The following CCDC190 variants were observed in gnomAD, a reference collection of about 807,000 sequenced individuals.
CCDC190 encodes the protein coiled-coil domain containing 190.
In CCDC190, 10 loss-of-function variants were observed where a neutral mutation model predicts 13.1. The observed-to-expected ratio is 0.77, with a 90% CI of 0.47 to 1.30. The LOEUF (loss-of-function observed/expected upper bound fraction) is 1.30. Among genes scored for constraint, CCDC190 ranks in the 50% most tolerant of loss-of-function variants. The probability of loss-of-function intolerance (pLI) is 0.00; values close to 1 mark genes in which losing one functional copy is unlikely to be tolerated. For synonymous variants in CCDC190, 136 were observed against 127.2 expected, an observed-to-expected ratio of 1.07 and a Z score of -0.47; for missense variants, 375 against 354.3, an observed-to-expected ratio of 1.06 and a Z score of -0.47.
chr1:162,864,249 A>T (rs1385996443), upstream of CCDC190, among the ~76,000 whole-genome samples: 2 of 152,154 alleles, frequency 1.3e-5, no homozygotes, highest in Non-Finnish European at 2.9e-5. Flanking sequence ...AAAGAAAAAA[A>T]TCAACCTAGA....
chr1:162,853,017 G>GT lies in CCDC190; in HGVS notation c.*1747dup, dbSNP rs1165040348. ...GGCATGGCTGGTGCAAATAAATTAA[G>GT]TTTTTGTGAATCAATCAGTTCTGTC... On this transcript the variant is annotated 3_prime_UTR_variant, in exon 4 of 4. Coordinates refer to ENST00000367912, the MANE Select transcript of CCDC190 (RefSeq NM_001394065.1). 2 of 1,135,238 alleles carry GT rather than the reference G, an allele frequency of 1.8e-6. No individual in the cohort carries two copies. Among genetic ancestry groups the GT allele is most frequent in the Non-Finnish European group, 2.6e-6 (2 of 772,324 alleles). 70.3% of individuals were successfully genotyped at this position (1,135,238 alleles called of 1,614,324 possible).
intron 1 of CCDC190, among the ~76,000 whole-genome samples, 187 bp downstream of exon 1, chr1:162,860,821 T>G (rs1276060048): frequency 1.3e-5 from 2 of 152,122 alleles, no homozygotes; most frequent in African/African-American, 4.8e-5. Flanking sequence ...CCTCCCAAAG[T>G]GCTGGGATTA....
At chr1:162,863,231 G>T (rs1343018807), upstream of CCDC190, among the ~76,000 whole-genome samples, 1 of 152,144 alleles carries the variant, frequency 6.6e-6, no homozygotes, top group East Asian at 1.9e-4. Context: ...ACACCCTTTT[G>T]TAGTCAAAAC....
chr1:162,856,893 T>C (rs1486737484), intron 2 of CCDC190, among the ~76,000 whole-genome samples: 1 of 152,156 alleles, frequency 6.6e-6, no homozygotes, highest in East Asian at 1.9e-4. Context: ...ACCTATTCCA[T>C]ATAAATTGAG....
chr1:162,858,277 T>C (rs1011373173), intron 2 of CCDC190, among the ~76,000 whole-genome samples: 7 of 152,208 alleles, frequency 4.6e-5, no homozygotes, highest in African/African-American at 1.7e-4. Flanking sequence ...GGAAAGCCAC[T>C]TACTAGGGCC....
At position 162,851,258 on chromosome 1, in the gene CCDC190, C is replaced by G. The variant is rs547798095; in HGVS notation, c.*3507G>C. On this transcript the variant is annotated 3_prime_UTR_variant, in exon 4 of 4. Coordinates refer to ENST00000367912, the MANE Select transcript of CCDC190 (RefSeq NM_001394065.1). ...GGAGGTGAGGGAATGAGTTGGTTCA[C>G]GCAATGGTCCACACACCTCTGGTTC... 6.7e-6 allele frequency: 1 copy of G among 149,286 alleles called. No individual in the cohort carries two copies. Among genetic ancestry groups the G allele is most frequent in the African/African-American group, 2.5e-5 (1 of 40,412 alleles). The allele number at this position is 149,286 out of a possible 1,614,324, so 9.2% of individuals were successfully genotyped here.
Position 162,859,991 on chromosome 1 carries a change from T to C in CCDC190, c.-12-333A>G, listed in dbSNP as rs1013019637. 5.3e-5 allele frequency among the ~76,000 whole-genome samples: 8 copies of C among 150,444 alleles called. 2 individuals carry two copies. The South Asian group carries it at 1.7e-3, about 32-fold the overall frequency. ...AAAAAAAAAAAAGGCAGTCTACATA[T>C]ATAAGGCATTATTTACCCAATAAGA... On this transcript the variant is annotated intron_variant, in intron 1 of 3. Coordinates refer to ENST00000367912, the MANE Select transcript of CCDC190 (RefSeq NM_001394065.1).
chr1:162,859,924 C>T (rs1042316100), intron 1 of CCDC190, among the ~76,000 whole-genome samples: 1 of 150,958 alleles, frequency 6.6e-6, no homozygotes, highest in African/African-American at 2.4e-5. Context: ...AGTCAGATTT[C>T]CAAGAAGATC....
chr1:162,858,810 CA>C (rs1650399394), intron 2 of CCDC190, among the ~76,000 whole-genome samples: 1 of 152,192 alleles, frequency 6.6e-6, no homozygotes, highest in African/African-American at 2.4e-5. Context: ...TCAACAAAGA[CA>C]GTAGAAGGGT....
chr1:162,854,567 T>C lies in CCDC190; in HGVS notation c.*198A>G. On this transcript the variant is annotated 3_prime_UTR_variant, in exon 4 of 4. Coordinates refer to ENST00000367912, the MANE Select transcript of CCDC190 (RefSeq NM_001394065.1). ...ACTTAAAATATTTTCAGAAGATTCATTCTTCCTCTCCTTTTTCATATATTA... is the reference window on the plus strand; with the variant it reads ...ACTTAAAATATTTTCAGAAGATTCACTCTTCCTCTCCTTTTTCATATATTA... 7.3e-7 allele frequency: 1 copy of C among 1,361,716 alleles called. No homozygotes were observed. The highest frequency in any genetic ancestry group is 3.2e-5 in the Admixed American group (1 of 31,018). 84.4% of individuals were successfully genotyped at this position (1,361,716 alleles called of 1,614,324 possible). A position where few individuals can be genotyped will look rare whatever the true frequency, so the allele number is the denominator to read the frequency against.
intron 1 of CCDC190, among the ~76,000 whole-genome samples, chr1:162,860,446 C>A (rs940220903): frequency 6.6e-6 from 1 of 152,110 alleles, no homozygotes; most frequent in Non-Finnish European, 1.5e-5. Flanking sequence ...CTCTAAATAG[C>A]GCTAAGTAGG....
chr1:162,851,156 A>G lies in CCDC190; in HGVS notation c.*3609T>C, dbSNP rs905686046. 1.3e-5 allele frequency among the ~76,000 whole-genome samples: 2 copies of G among 152,170 alleles called. No homozygotes were observed. Among genetic ancestry groups the G allele is most frequent in the Non-Finnish European group, 2.9e-5 (2 of 68,028 alleles). ...CTGTTCTACTGCAGTGGCCTCAGGCAGAAAAGGAGGACCTGGCTGCCCGCT... is the reference window on the plus strand; with the variant it reads ...CTGTTCTACTGCAGTGGCCTCAGGCGGAAAAGGAGGACCTGGCTGCCCGCT... On this transcript the variant is annotated 3_prime_UTR_variant, in exon 4 of 4. Transcript: ENST00000367912.
chr1:162,857,664 A>G (rs1305909485), intron 2 of CCDC190, among the ~76,000 whole-genome samples: 3 of 151,784 alleles, frequency 2.0e-5, no homozygotes, highest in African/African-American at 7.3e-5. Context: ...CTGCTCACAT[A>G]CTGTGTCTTT....
chr1:162,858,780 C>T (rs1650398066), intron 2 of CCDC190, among the ~76,000 whole-genome samples: 1 of 152,196 alleles, frequency 6.6e-6, no homozygotes. Flanking sequence ...TTTCTACAGA[C>T]TGTACAACTG....
upstream of CCDC190, among the ~76,000 whole-genome samples, chr1:162,861,951 T>A (rs1168432837): frequency 4.0e-5 from 6 of 151,848 alleles, no homozygotes. Flanking sequence ...AAATAAATAA[T>A]TATAAAGAGA....
At chr1:162,861,704 A>T (rs1359258708), upstream of CCDC190, among the ~76,000 whole-genome samples, 4 of 152,236 alleles carry the variant, frequency 2.6e-5, no homozygotes, top group Non-Finnish European at 5.9e-5. Context: ...AATTAAAATC[A>T]ACTTTTGTGC....
chr1:162,863,063 C>G (rs1650574610), upstream of CCDC190, among the ~76,000 whole-genome samples: 1 of 151,978 alleles, frequency 6.6e-6, no homozygotes, highest in African/African-American at 2.4e-5. Flanking sequence ...AAGTATAAAG[C>G]TATCATTCTC....
At chr1:162,861,480 T>C (rs1387656544), upstream of CCDC190, among the ~76,000 whole-genome samples, 3 of 151,994 alleles carry the variant, frequency 2.0e-5, no homozygotes. Flanking sequence ...TTCCCTAACC[T>C]TCATTCCTAC....
chr1:162,866,275 A>G (rs953954348), intron 1 of CCDC190, among the ~76,000 whole-genome samples: 3 of 152,150 alleles, frequency 2.0e-5, no homozygotes, highest in Non-Finnish European at 4.4e-5. Flanking sequence ...AGCCTGGCCA[A>G]CATGGTGAAA....
Sources: gnomAD v4.1 joint callset for allele counts (sites outside exome capture counted in the v4.1 genomes callset) on GRCh38, gnomAD v4.1.1 for gene constraint, MANE v1.5 for transcripts, NCBI Gene and HGNC (gene_info 2026-07-23, HGNC 2026-07-21) for gene names.